Variants in PLD2 observed in about 807,000 individuals in gnomAD.
The protein encoded by PLD2 is phospholipase D2.
PLD2 carries 101 observed loss-of-function variants against 119.8 expected under a neutral mutation model. The ratio of observed to expected loss-of-function variants is 0.84; its 90% CI spans 0.72 to 0.99. PLD2 has a LOEUF of 0.99. Among genes scored for constraint, PLD2 ranks in the 50% least tolerant of loss-of-function variants. The probability of loss-of-function intolerance (pLI) is 0.00; values close to 1 mark genes in which losing one functional copy is unlikely to be tolerated. For synonymous variants in PLD2, 494 were observed against 482.8 expected, an observed-to-expected ratio of 1.02 and a Z score of -0.30; for missense variants, 1,164 against 1,226.8, an observed-to-expected ratio of 0.95 and a Z score of 0.76.
rs1255205828 is a variant in PLD2, at chr17:4,818,582, C to A, written c.2098C>A (p.Gln700Lys). ...CTCCACGGGCGGTGGCAACTCCATCCAGGCCATTCTGCACTTTACTTACAG... is the reference window on the plus strand; with the variant it reads ...CTCCACGGGCGGTGGCAACTCCATCAAGGCCATTCTGCACTTTACTTACAG... Reference protein sequence around the residue: ...DISTGGGNSIQAILHFTYRTL... With the variant: ...DISTGGGNSIKAILHFTYRTL... Residue 700 changes from glutamine to lysine, a missense_variant, in exon 20 of 25, where the codon CAG (glutamine) becomes AAG (lysine). Physicochemically the swap from Gln to Lys is moderately conservative, Grantham distance 53. Coordinates refer to ENST00000263088, the MANE Select transcript of PLD2 (RefSeq NM_002663.5). The A allele has an allele frequency of 1.2e-6, 2 of 1,613,624 alleles. No homozygotes were observed. The highest frequency in any genetic ancestry group is 1.7e-6 in the Non-Finnish European group (2 of 1,179,702).
Position 4,822,906 on chromosome 17 carries a change from C to T in PLD2, c.*42C>T, listed in dbSNP as rs771310357. 8.7e-6 allele frequency: 10 copies of T among 1,144,914 alleles called. No individual in the cohort carries two copies. The South Asian group carries it at 1.3e-4, about 15-fold the overall frequency. The allele number at this position is 1,144,914 out of a possible 1,614,324, so 70.9% of individuals were successfully genotyped here. A position where few individuals can be genotyped will look rare whatever the true frequency, so the allele number is the denominator to read the frequency against. ...GGAGAGGTCACCAGCTGCTGTGCCC[C>T]ACCACGTCTGGCTCCCTGCCCCTTA... On this transcript the variant is annotated 3_prime_UTR_variant, in exon 25 of 25. Coordinates refer to ENST00000263088, the MANE Select transcript of PLD2 (RefSeq NM_002663.5).
chr17:4,808,566 C>G lies in PLD2; in HGVS notation c.383+150C>G. The G allele has an allele frequency of 2.8e-6, 2 of 725,942 alleles. No homozygotes were observed. Among genetic ancestry groups the G allele is most frequent in the Admixed American group, 5.1e-5 (2 of 38,944 alleles). 45.0% of individuals were successfully genotyped at this position (725,942 alleles called of 1,614,324 possible). On this transcript the variant is annotated intron_variant, in intron 4 of 24. Coordinates refer to ENST00000263088, the MANE Select transcript of PLD2 (RefSeq NM_002663.5). The surrounding 1 kb of genome is among the most constrained non-coding windows in gnomAD (Gnocchi z 4.1). Reference sequence around the variant, plus strand: ...CCCAGTTACCAGGAAACTTTCCCTGCTCAGCTTTCCCTGTCCATGGTTCTG... The same window carrying G: ...CCCAGTTACCAGGAAACTTTCCCTGGTCAGCTTTCCCTGTCCATGGTTCTG...
rs765987736 is a variant in PLD2 at position 4,809,207 on chromosome 17, T to C, written c.489+2T>C. 1 of 1,613,788 alleles carries C rather than the reference T, an allele frequency of 6.2e-7. No homozygotes were observed. Among genetic ancestry groups the C allele is most frequent in the Non-Finnish European group, 8.5e-7 (1 of 1,179,746 alleles). On this transcript the variant is annotated splice_donor_variant, in intron 5 of 24. Coordinates refer to ENST00000263088, the MANE Select transcript of PLD2 (RefSeq NM_002663.5). LOFTEE classifies it high-confidence loss of function. ...ACCAGACATGCAGCCAGCAAACAGG[T>C]GGGACCAGATGCCAGGTCCTCCGGG...
At chr17:4,821,525 C>A in intron 23 of PLD2, 1 of 273,360 alleles carries the variant, frequency 3.7e-6, no homozygotes, top group African/African-American at 2.2e-5. Flanking sequence ...TCCCAAGTAG[C>A]TGGGACTATA....
Position 4,816,688 on chromosome 17 carries a change from C to T in PLD2, c.1524C>T (p.Gly508=), listed in dbSNP as rs1907006992. Residue 508 remains glycine (G), a synonymous_variant, in exon 15 of 25, where the codon GGC becomes GGT. Coordinates refer to ENST00000263088, the MANE Select transcript of PLD2 (RefSeq NM_002663.5). ...DLSHNQFFWL[G]KDYSNLITKD... ...CTCACAACCAATTCTTCTGGCTGGG[C>T]AAGGACTACAGCAATCTTATCACCA... is the stretch of plus-strand genomic sequence containing the variant. 5 of 1,614,046 alleles carry T rather than the reference C, an allele frequency of 3.1e-6. No homozygotes were observed. The South Asian group carries it at 5.5e-5, about 18-fold the overall frequency.
At chr17:4,818,176 G>C in intron 18 of PLD2, 70 bp downstream of exon 18, 1 of 1,404,200 alleles carries the variant, frequency 7.1e-7, no homozygotes, top group South Asian at 1.2e-5. Flanking sequence ...GGAATGAGTG[G>C]AGTCAGTCAT....
At chr17:4,818,163 TG>T (rs1907230023) in intron 18 of PLD2, 57 bp downstream of exon 18, 1 of 1,447,856 alleles carries the variant, frequency 6.9e-7, no homozygotes, top group African/African-American at 1.4e-5. Context: ...GAGAGAGACC[TG>T]GGGAATGAGT....
chr17:4,818,675 C>T lies in PLD2; in HGVS notation c.2123+68C>T, dbSNP rs1384182249. 2.6e-6 allele frequency: 4 copies of T among 1,559,246 alleles called. No individual in the cohort carries two copies. The East Asian group carries it at 9.0e-5, about 35-fold the overall frequency. Reference sequence around the variant, plus strand: ...ACCCGTGTCCCCCTCCTGATTCTGTCCTGATCCCTTCCTGCTGGGCCTTAA... The same window carrying T: ...ACCCGTGTCCCCCTCCTGATTCTGTTCTGATCCCTTCCTGCTGGGCCTTAA... On this transcript the variant is annotated intron_variant, in intron 20 of 24. Coordinates refer to ENST00000263088, the MANE Select transcript of PLD2 (RefSeq NM_002663.5).
chr17:4,812,248 C>A (rs138225129), intron 10 of PLD2, among the ~76,000 whole-genome samples: 1 of 151,346 alleles, frequency 6.6e-6, no homozygotes, highest in African/African-American at 2.4e-5. Flanking sequence ...TCCCAAGTAG[C>A]TGGGATCACA....
At chr17:4,818,237 G>A in intron 18 of PLD2, 60 bp from the exon 19 acceptor site, 1 of 1,511,114 alleles carries the variant, frequency 6.6e-7, no homozygotes, top group South Asian at 1.1e-5. Context: ...ACCAAGGCTG[G>A]AGGCCGAGGA....
In PLD2 at chr17:4,818,301, A is replaced by G; in HGVS notation, c.1925A>G (p.Gln642Arg). ...ESQHFLYIEN[Q>R]FFISCSDGRT... ...TGTCTCTGATTCTTGCCCCAGAATC[A>G]GTTCTTCATTAGCTGCTCAGATGGG... Residue 642 changes from glutamine to arginine, a missense_variant, in exon 19 of 25, where the codon CAG (glutamine) becomes CGG (arginine). By Grantham distance (43) the Gln-to-Arg change is conservative. Coordinates refer to ENST00000263088, the MANE Select transcript of PLD2 (RefSeq NM_002663.5). The G allele has an allele frequency of 6.2e-7, 1 of 1,613,298 alleles. No individual in the cohort carries two copies. The highest frequency in any genetic ancestry group is 8.5e-7 in the Non-Finnish European group (1 of 1,179,280).
rs549315932 is a variant in PLD2, at chr17:4,807,921, G to A, written c.109+40G>A. ...TGGATGGCCCTCAGGGAGGAGAGGC[G>A]TTCGGGAGCCAGGGGGCTGGGGCCT... is the stretch of plus-strand genomic sequence containing the variant. On this transcript the variant is annotated intron_variant, in intron 2 of 24. Coordinates refer to ENST00000263088, the MANE Select transcript of PLD2 (RefSeq NM_002663.5). The surrounding 1 kb of genome is among the most constrained non-coding windows in gnomAD (Gnocchi z 5.4). 3.5e-5 allele frequency: 57 copies of A among 1,607,292 alleles called. No homozygotes were observed. The highest frequency in any genetic ancestry group is 4.7e-5 in the Non-Finnish European group (55 of 1,174,692).
rs146830166 is a variant in PLD2 at position 4,820,171 on chromosome 17, C to A, written c.2462+589C>A. Among the ~76,000 whole-genome samples, 403 of 150,816 alleles carry A rather than the reference C, an allele frequency of 2.7e-3. 11 individuals carry two copies. Among genetic ancestry groups the A allele is most frequent in the East Asian group, 0.02 (102 of 5,036 alleles). Reference sequence around the variant, plus strand: ...GTTGGTCAGGCTGGTCTCGAACTCCCGACCTCAGGTGATCCACCCACTTCA... The same window carrying A: ...GTTGGTCAGGCTGGTCTCGAACTCCAGACCTCAGGTGATCCACCCACTTCA... On this transcript the variant is annotated intron_variant, in intron 23 of 24. Transcript: ENST00000263088.
rs1907835140 is a variant in PLD2, at chr17:4,822,956, C to T, written c.*92C>T. On this transcript the variant is annotated 3_prime_UTR_variant, in exon 25 of 25. Coordinates refer to ENST00000263088, the MANE Select transcript of PLD2 (RefSeq NM_002663.5). ...AACCCCAAGGACTGAGGGCAGTGCC[C>T]TTTGAGATCTGGGGAGGCAGGCATT... 3 of 698,580 alleles carry T rather than the reference C, an allele frequency of 4.3e-6. No homozygotes were observed. Among genetic ancestry groups the T allele is most frequent in the Non-Finnish European group, 7.4e-6 (3 of 407,086 alleles). The allele number at this position is 698,580 out of a possible 1,614,324, so 43.3% of individuals were successfully genotyped here.
chr17:4,822,557 G>T, intron 24 of PLD2, 83 bp from the exon 25 acceptor site: 2 of 894,358 alleles, frequency 2.2e-6, no homozygotes, highest in South Asian at 3.0e-5. Context: ...AGATGGTATG[G>T]GGGAAGGGGT....
Position 4,822,742 on chromosome 17 carries a change from T to G in PLD2, c.2680T>G (p.Ser894Ala). The G allele has an allele frequency of 6.2e-7, 1 of 1,613,908 alleles. No homozygotes were observed. The highest frequency in any genetic ancestry group is 8.5e-7 in the Non-Finnish European group (1 of 1,179,816). ...LATVSPPLAR[S>A]ELTQVQGHLV... ...CACGGTCAGTCCCCCCTTGGCTCGGTCTGAGCTCACCCAGGTCCAGGGCCA... is the reference window on the plus strand; with the variant it reads ...CACGGTCAGTCCCCCCTTGGCTCGGGCTGAGCTCACCCAGGTCCAGGGCCA... Residue 894 changes from serine (S) to alanine (A), a missense_variant, in exon 25 of 25, where the codon TCT becomes GCT. By Grantham distance (99) the Ser-to-Ala change is moderately conservative. Coordinates refer to ENST00000263088, the MANE Select transcript of PLD2 (RefSeq NM_002663.5).
chr17:4,821,256 A>C (rs2150681992), intron 23 of PLD2, among the ~76,000 whole-genome samples: 1 of 152,196 alleles, frequency 6.6e-6, no homozygotes, highest in African/African-American at 2.4e-5. Context: ...GATTGGGGAA[A>C]GAACAGAAAA....
At chr17:4,809,433 C>T (rs1906208041) in intron 6 of PLD2, 60 bp from the exon 7 acceptor site, 1 of 1,613,006 alleles carries the variant, frequency 6.2e-7, no homozygotes, top group African/African-American at 1.3e-5. Flanking sequence ...GGCCAGGGGC[C>T]CCAGGGTCTG....
rs2150679669 is a variant in PLD2, at chr17:4,819,377, TG to T, written c.2309-48del. The T allele has an allele frequency of 6.2e-7, 1 of 1,608,186 alleles. No homozygotes were observed. Among genetic ancestry groups the T allele is most frequent in the Non-Finnish European group, 8.5e-7 (1 of 1,177,234 alleles). On this transcript the variant is annotated intron_variant, in intron 22 of 24. Coordinates refer to ENST00000263088, the MANE Select transcript of PLD2 (RefSeq NM_002663.5). This position sits in a 1 kb window ranked among gnomAD's most constrained non-coding sequence, Gnocchi z 4.2. ...TGCTTTGGTAGAGGGGATGGGGTAC[TG>T]GGGAGAGTGCCCTGGGCCCAAGCAC...
Sources: gnomAD v4.1 joint callset for allele counts (sites outside exome capture counted in the v4.1 genomes callset) on GRCh38, gnomAD v4.1.1 for gene constraint, Gnocchi (gnomAD v3.1) non-coding constraint, MANE v1.5 for transcripts, NCBI Gene and HGNC (gene_info 2026-07-23, HGNC 2026-07-21) for gene names.